Variants in LURAP1L observed in about 807,000 individuals in gnomAD.
LURAP1L encodes the protein leucine rich adaptor protein 1-like.
LURAP1L carries 12 observed loss-of-function variants against 13.8 expected under a neutral mutation model. The observed-to-expected ratio is 0.87, with a 90% CI of 0.56 to 1.41. The LOEUF is 1.41. Ranked by LOEUF, LURAP1L falls within the 40% of genes most tolerant of loss-of-function variation. The probability of loss-of-function intolerance (pLI) is 0.00; values close to 1 mark genes in which losing one functional copy is unlikely to be tolerated. For missense variants in LURAP1L, 375 were observed against 292.9 expected (o/e 1.28, Z -2.04); for synonymous variants, 139 against 119.2 (o/e 1.17, Z -1.08).
intron 1 of LURAP1L, chr9:12,814,262 A>T (rs1280570079): frequency 6.6e-6 from 1 of 152,184 alleles, no homozygotes; most frequent in African/African-American, 2.4e-5. Flanking sequence ...TTAAGTTCTA[A>T]ATTGAAAAGA....
In LURAP1L at chr9:12,786,617, C is replaced by A. The variant is rs1484967698; in HGVS notation, c.312+10590C>A. On this transcript the variant is annotated intron_variant, in intron 1 of 1. Transcript: ENST00000319264. ...GCCTTAAGTCTGTATAGCTCAAAATCATCTTAGATTTACTTATGGTAAAAA... is the reference window on the plus strand; with the variant it reads ...GCCTTAAGTCTGTATAGCTCAAAATAATCTTAGATTTACTTATGGTAAAAA... Among the ~76,000 whole-genome samples the A allele has an allele frequency of 1.0e-4, 13 of 123,996 alleles. No individual in the cohort carries two copies. In the Admixed American group the frequency reaches 1.1e-3, roughly 10 times the overall value. 81.3% of individuals were successfully genotyped at this position (123,996 alleles called of 152,430 possible). A position where few individuals can be genotyped will look rare whatever the true frequency, so the allele number is the denominator to read the frequency against.
At chr9:12,786,568 A>ATATATATATATATG (rs1819357040) in intron 1 of LURAP1L, among the ~76,000 whole-genome samples, 3 of 124,416 alleles carry the variant, frequency 2.4e-5, no homozygotes, top group African/African-American at 8.8e-5. Flanking sequence ...ATATATATAT[A>ATATATATATATATG]TATATATATA....
In LURAP1L at chr9:12,790,798, T is replaced by G. The variant is rs181891814; in HGVS notation, c.312+14771T>G. 2.8e-3 allele frequency: 429 copies of G among 152,158 alleles called. 2 individuals are homozygous for G. The highest frequency in any genetic ancestry group is 9.8e-3 in the African/African-American group (407 of 41,534). The allele number at this position is 152,158 out of a possible 1,614,324, so 9.4% of individuals were successfully genotyped here. On this transcript the variant is annotated intron_variant, in intron 1 of 1. Transcript: ENST00000319264. Reference sequence around the variant, plus strand: ...CACAAAGAATATGTACATGTTAGTTTTTGGCATCTTCTTTTACTATACTAA... The same window carrying G: ...CACAAAGAATATGTACATGTTAGTTGTTGGCATCTTCTTTTACTATACTAA...
At chr9:12,805,909 G>T (rs561987492) in intron 1 of LURAP1L, among the ~76,000 whole-genome samples, 2 of 152,144 alleles carry the variant, frequency 1.3e-5, no homozygotes, top group East Asian at 3.9e-4. Flanking sequence ...AACAAATGTG[G>T]AACTTCCTGG....
chr9:12,809,106 C>T (rs370106610), intron 1 of LURAP1L, among the ~76,000 whole-genome samples: 7 of 152,026 alleles, frequency 4.6e-5, no homozygotes, highest in African/African-American at 7.2e-5. Context: ...CTCACATGAA[C>T]GTAGAATGAT....
At chr9:12,800,142 A>G (rs1274348615) in intron 1 of LURAP1L, among the ~76,000 whole-genome samples, 2 of 152,192 alleles carry the variant, frequency 1.3e-5, no homozygotes, top group Non-Finnish European at 2.9e-5. Context: ...TATTTATCCA[A>G]CAGAGCTGCA....
At chr9:12,804,952 C>T (rs189983602) in intron 1 of LURAP1L, among the ~76,000 whole-genome samples, 4 of 151,988 alleles carry the variant, frequency 2.6e-5, no homozygotes, top group Admixed American at 1.3e-4. Flanking sequence ...ATTCATTTAC[C>T]GTGACCACCC....
At position 12,822,086 on chromosome 9, in the gene LURAP1L, A is replaced by T; in HGVS notation, c.*326A>T. On this transcript the variant is annotated 3_prime_UTR_variant, in exon 2 of 2. Transcript: ENST00000319264. ...AGCAATGGGTCAGGGATTACAAGAAAAACTTTGCTAAATTTTACAATAAAC... is the reference window on the plus strand; with the variant it reads ...AGCAATGGGTCAGGGATTACAAGAATAACTTTGCTAAATTTTACAATAAAC... 1 of 208,720 alleles carries T rather than the reference A, an allele frequency of 4.8e-6. No individual in the cohort carries two copies. Among genetic ancestry groups the T allele is most frequent in the Non-Finnish European group, 9.7e-6 (1 of 103,572 alleles). The allele number at this position is 208,720 out of a possible 1,614,324, so 12.9% of individuals were successfully genotyped here.
Position 12,821,600 on chromosome 9 carries a change from G to T in LURAP1L, c.527G>T (p.Gly176Val). Residue 176 changes from glycine to valine, a missense_variant, in exon 2 of 2, where the codon GGC (glycine) becomes GTC (valine). Physicochemically the swap from Gly to Val is moderately radical, Grantham distance 109 (BLOSUM62 -3). Coordinates refer to ENST00000319264, the MANE Select transcript of LURAP1L (RefSeq NM_203403.2). ...SLHDGSDGLD[G>V]ISVGSYLDTL... ...CACGATGGCAGTGATGGGCTGGATG[G>T]CATTTCCGTGGGAAGTTATCTGGAC... The T allele has an allele frequency of 6.2e-7, 1 of 1,614,182 alleles. No individual in the cohort carries two copies.
At chr9:12,794,517 A>G (rs993052767) in intron 1 of LURAP1L, among the ~76,000 whole-genome samples, 3 of 152,112 alleles carry the variant, frequency 2.0e-5, no homozygotes, top group Admixed American at 6.6e-5. Context: ...TGAGTTAAGT[A>G]TATGCTGAGA....
intron 1 of LURAP1L, among the ~76,000 whole-genome samples, chr9:12,791,360 C>T (rs775858408): frequency 6.6e-6 from 1 of 152,054 alleles, no homozygotes; most frequent in Non-Finnish European, 1.5e-5. Context: ...TTTGTCTCTA[C>T]GTGAACCTTT....
intron 1 of LURAP1L, among the ~76,000 whole-genome samples, chr9:12,780,055 A>G (rs966436931): frequency 2.6e-5 from 4 of 152,208 alleles, no homozygotes; most frequent in African/African-American, 9.6e-5. Context: ...TTAGAGCTCA[A>G]TAATATTCAT....
At chr9:12,782,323 T>A (rs1487449304) in intron 1 of LURAP1L, among the ~76,000 whole-genome samples, 3 of 152,246 alleles carry the variant, frequency 2.0e-5, no homozygotes, top group Admixed American at 1.3e-4. Flanking sequence ...CCTCAAGAAG[T>A]CCTTGTCCAG....
Position 12,821,848 on chromosome 9 carries a change from T to TATTTAAA in LURAP1L, c.*89_*90insTTTAAAA. 6.9e-7 allele frequency: 1 copy of TATTTAAA among 1,459,456 alleles called. No individual in the cohort carries two copies. The highest frequency in any genetic ancestry group is 1.4e-5 in the African/African-American group (1 of 70,756). 90.4% of individuals were successfully genotyped at this position (1,459,456 alleles called of 1,614,324 possible). A position where few individuals can be genotyped will look rare whatever the true frequency, so the allele number is the denominator to read the frequency against. On this transcript the variant is annotated 3_prime_UTR_variant, in exon 2 of 2. Transcript: ENST00000319264. ...TATATTTTTGGTGTGATTTTTATTT[T>TATTTAAA]AATAAGATGACCTTTTTAAAAGAAG...
intron 1 of LURAP1L, among the ~76,000 whole-genome samples, chr9:12,807,902 GT>G (rs1219279581): frequency 6.6e-6 from 1 of 151,958 alleles, no homozygotes; most frequent in East Asian, 1.9e-4. Context: ...TTGCCCTAGA[GT>G]TTTTAGAATA....
intron 1 of LURAP1L, among the ~76,000 whole-genome samples, chr9:12,776,592 C>T (rs553960254): frequency 6.6e-6 from 1 of 152,052 alleles, no homozygotes; most frequent in Non-Finnish European, 1.5e-5. Context: ...AGGCCACTGT[C>T]GAGCAGATTC....
In LURAP1L at chr9:12,778,999, T is replaced by TC. The variant is rs553752878; in HGVS notation, c.312+2973dup. Among the ~76,000 whole-genome samples, 10 of 152,290 alleles carry TC rather than the reference T, an allele frequency of 6.6e-5. No homozygotes were observed. The South Asian group carries it at 2.1e-3, about 32-fold the overall frequency. Reference sequence around the variant, plus strand: ...TTGTAAAGTTTAATTTATAAATCAGTCACAGTAAGAGATTAACAATAATAA... The same window carrying TC: ...TTGTAAAGTTTAATTTATAAATCAGTCCACAGTAAGAGATTAACAATAATAA... On this transcript the variant is annotated intron_variant, in intron 1 of 1. Transcript: ENST00000319264.
chr9:12,819,096 G>A (rs1455016021), intron 1 of LURAP1L, among the ~76,000 whole-genome samples: 1 of 152,122 alleles, frequency 6.6e-6, no homozygotes, highest in African/African-American at 2.4e-5. Flanking sequence ...TAAAGTCATT[G>A]CAAGGTTATT....
intron 1 of LURAP1L, among the ~76,000 whole-genome samples, chr9:12,803,679 A>G (rs372609783): frequency 6.6e-6 from 1 of 152,348 alleles, no homozygotes; most frequent in South Asian, 2.1e-4. Flanking sequence ...ACTAAATTAG[A>G]AAAGGAAATT....
Sources: allele counts gnomAD v4.1 joint callset (sites outside exome capture counted in the v4.1 genomes callset), GRCh38; gene constraint gnomAD v4.1.1; transcripts MANE v1.5; gene names NCBI Gene and HGNC (gene_info 2026-07-23, HGNC 2026-07-21).